TMEM74: variants seen among roughly 807,000 people sequenced by gnomAD.
The protein encoded by TMEM74 is transmembrane protein 74.
Under a neutral mutation model 18.1 loss-of-function variants are expected in TMEM74, and 13 were observed. The observed-to-expected ratio is 0.72, with a 90% CI of 0.47 to 1.14. The LOEUF is 1.14. Among genes scored for constraint, TMEM74 ranks in the 50% most tolerant of loss-of-function variants. TMEM74 has a pLI of 0.00. For missense variants in TMEM74, 372 were observed against 375.9 expected (o/e 0.99, Z 0.09); for synonymous variants, 159 against 146.6 (o/e 1.08, Z -0.61).
At chr8:108,787,389 G>A (rs1190809697) in intron 1 of TMEM74, 87 bp downstream of exon 1, 3 of 152,236 alleles carry the variant, frequency 2.0e-5, no homozygotes, top group Admixed American at 6.5e-5. Flanking sequence ...GAGAGAGAGC[G>A]GGGATATGCG....
At chr8:108,698,602 G>A (rs1476998297) in intron 1 of TMEM74, among the ~76,000 whole-genome samples, 1 of 152,140 alleles carries the variant, frequency 6.6e-6, no homozygotes, top group Admixed American at 6.5e-5. Flanking sequence ...TATCCAAAAT[G>A]TAGCCTTCTA....
At chr8:108,774,054 T>C (rs1814201818), downstream of TMEM74, among the ~76,000 whole-genome samples, 2 of 152,196 alleles carry the variant, frequency 1.3e-5, no homozygotes, top group Non-Finnish European at 1.5e-5. Flanking sequence ...TTAACCTAAT[T>C]CACTTGAGGA....
At chr8:108,644,735 A>C (rs1379598839) in intron 2 of TMEM74, among the ~76,000 whole-genome samples, 1 of 152,198 alleles carries the variant, frequency 6.6e-6, no homozygotes, top group African/African-American at 2.4e-5. Context: ...AGTGGCCAAC[A>C]AACATATGAA....
rs138553276 is a variant in TMEM74, at chr8:108,648,889, G to A, written n.264+6404C>T. Among the ~76,000 whole-genome samples the A allele has an allele frequency of 4.6e-5, 7 of 152,190 alleles. No individual in the cohort carries two copies. In the East Asian group the frequency reaches 9.7e-4, roughly 21 times the overall value. ...TTTTGGTCTTAAGTTACTACGTTTCGGGGTGATTTCTTACACAGGAACCGC... is the reference window on the plus strand; with the variant it reads ...TTTTGGTCTTAAGTTACTACGTTTCAGGGTGATTTCTTACACAGGAACCGC... On this transcript the variant is annotated intron_variant and non_coding_transcript_variant, in intron 2 of 3. Coordinates refer to the TMEM74 transcript ENST00000518838.
intron 2 of TMEM74, among the ~76,000 whole-genome samples, chr8:108,644,197 G>T (rs372786052): frequency 6.6e-6 from 1 of 152,046 alleles, no homozygotes; most frequent in Non-Finnish European, 1.5e-5. Context: ...AAATAAAACC[G>T]CAAACCTACA....
chr8:108,670,035 G>T lies in TMEM74; in HGVS notation n.120-14598C>A, dbSNP rs2935809. Among the ~76,000 whole-genome samples the T allele has an allele frequency of 6.4e-3, 391 of 60,880 alleles. 5 individuals carry two copies. Among genetic ancestry groups the T allele is most frequent in the Non-Finnish European group, 0.013 (314 of 24,946 alleles). 39.9% of individuals were successfully genotyped at this position (60,880 alleles called of 152,430 possible). On this transcript the variant is annotated intron_variant and non_coding_transcript_variant, in intron 1 of 3. Transcript: ENST00000518838. Reference sequence around the variant, plus strand: ...CCTGGATGACAGAGTAAGATTCTGTGAAAAAAAAAAAAAAAAAAAAAAGGC... The same window carrying T: ...CCTGGATGACAGAGTAAGATTCTGTTAAAAAAAAAAAAAAAAAAAAAAGGC...
chr8:108,673,249 T>C (rs922099679), intron 1 of TMEM74, among the ~76,000 whole-genome samples: 1 of 152,216 alleles, frequency 6.6e-6, no homozygotes, highest in Admixed American at 6.5e-5. Context: ...TGGAAGTTGA[T>C]CTTACCAGGG....
At chr8:108,751,027 AC>A (rs1813899337) in intron 1 of TMEM74, among the ~76,000 whole-genome samples, 2 of 152,264 alleles carry the variant, frequency 1.3e-5, no homozygotes, top group Non-Finnish European at 2.9e-5. Context: ...TGAGATTGCT[AC>A]CGACCCGTAT....
At chr8:108,770,832 A>G (rs1382195068) in intron 1 of TMEM74, among the ~76,000 whole-genome samples, 1 of 152,176 alleles carries the variant, frequency 6.6e-6, no homozygotes, top group Non-Finnish European at 1.5e-5. Flanking sequence ...ACCTTGCTTC[A>G]TGATTTCATG....
chr8:108,682,325 A>C (rs1028693606), intron 1 of TMEM74, among the ~76,000 whole-genome samples: 14 of 152,020 alleles, frequency 9.2e-5, no homozygotes, highest in Admixed American at 7.9e-4. Context: ...AACATCTATC[A>C]TCATTCTTAA....
intron 2 of TMEM74, among the ~76,000 whole-genome samples, chr8:108,653,758 A>G (rs1043974612): frequency 6.6e-6 from 1 of 152,188 alleles, no homozygotes; most frequent in Non-Finnish European, 1.5e-5. Context: ...TTTTTAAAGA[A>G]GTATAACAAT....
intron 1 of TMEM74, among the ~76,000 whole-genome samples, chr8:108,753,913 A>G (rs931254882): frequency 6.6e-6 from 1 of 151,980 alleles, no homozygotes; most frequent in African/African-American, 2.4e-5. Flanking sequence ...ACCTCACTTT[A>G]TTACTTTATA....
rs967072194 is a variant in TMEM74, at chr8:108,783,959, T to G, written c.*222A>C. 7.7e-6 allele frequency: 3 copies of G among 390,052 alleles called. No homozygotes were observed. Among genetic ancestry groups the G allele is most frequent in the Non-Finnish European group, 1.4e-5 (3 of 220,556 alleles). The allele number at this position is 390,052 out of a possible 1,614,324, so 24.2% of individuals were successfully genotyped here. A position where few individuals can be genotyped will look rare whatever the true frequency, so the allele number is the denominator to read the frequency against. On this transcript the variant is annotated 3_prime_UTR_variant, in exon 2 of 2. Transcript: ENST00000297459. ...CATTACAGATTAATTAGCCTTCAGC[T>G]CTTCAGAAGGATAGGTGTGGCTGGT...
intron 2 of TMEM74, among the ~76,000 whole-genome samples, chr8:108,643,295 C>G (rs1459453361): frequency 6.6e-6 from 1 of 152,150 alleles, no homozygotes; most frequent in African/African-American, 2.4e-5. Flanking sequence ...TTGAAGTTCT[C>G]AGGTGATGCT....
chr8:108,691,294 A>C (rs1480056434), intron 1 of TMEM74, among the ~76,000 whole-genome samples: 1 of 152,254 alleles, frequency 6.6e-6, no homozygotes, highest in African/African-American at 2.4e-5. Flanking sequence ...AGTCATCTGC[A>C]GTCAGACGAG....
chr8:108,732,676 A>G (rs1307070862), intron 1 of TMEM74, among the ~76,000 whole-genome samples: 1 of 152,124 alleles, frequency 6.6e-6, no homozygotes, highest in Non-Finnish European at 1.5e-5. Flanking sequence ...GATATCCAAA[A>G]AAAGGGCACT....
chr8:108,676,777 C>T (rs542222979), intron 1 of TMEM74, among the ~76,000 whole-genome samples: 1 of 152,172 alleles, frequency 6.6e-6, no homozygotes, highest in South Asian at 2.1e-4. Context: ...TGCAACAATG[C>T]CTAACGCATA....
intron 1 of TMEM74, among the ~76,000 whole-genome samples, chr8:108,699,010 C>T (rs570247470): frequency 6.6e-5 from 10 of 152,076 alleles, no homozygotes; most frequent in South Asian, 4.1e-4. Flanking sequence ...GAATAATTCC[C>T]GGATGAGCTG....
At chr8:108,676,436 C>A (rs1056694169) in intron 1 of TMEM74, among the ~76,000 whole-genome samples, 1 of 152,106 alleles carries the variant, frequency 6.6e-6, no homozygotes, top group Admixed American at 6.6e-5. Flanking sequence ...ACAGTCCCCC[C>A]TCAAAGCCTT....
Sources: gnomAD v4.1 joint callset for allele counts (sites outside exome capture counted in the v4.1 genomes callset) on GRCh38, gnomAD v4.1.1 for gene constraint, MANE v1.5 for transcripts, NCBI Gene and HGNC (gene_info 2026-07-23, HGNC 2026-07-21) for gene names.